FAM185A: variants seen among roughly 807,000 people sequenced by gnomAD.
FAM185A encodes family with sequence similarity 185 member A.
In FAM185A, 21 loss-of-function variants were observed where a neutral mutation model predicts 45.7. That is an observed-to-expected ratio of 0.46 (90% CI 0.33 to 0.66). The LOEUF (loss-of-function observed/expected upper bound fraction) is 0.66, where lower values mean the gene tolerates loss of function less well. Ranked by LOEUF, FAM185A falls within the 30% of genes least tolerant of loss-of-function variation. The pLI is 0.03. For synonymous variants in FAM185A, 117 were observed against 194.0 expected (o/e 0.60, Z 3.30); for missense variants, 305 against 485.4 (o/e 0.63, Z 3.49).
At chr7:102,805,542 AG>A (rs1562881215) in intron 7 of FAM185A, among the ~76,000 whole-genome samples, 1 of 151,512 alleles carries the variant, frequency 6.6e-6, no homozygotes, top group Admixed American at 6.6e-5. Flanking sequence ...AAAGGTTGGG[AG>A]GGGGGTGAGG....
At chr7:102,846,997 A>G in the FAM185A span, among the ~76,000 whole-genome samples, 2 of 152,254 alleles carry the variant, frequency 1.3e-5, no homozygotes, top group African/African-American at 4.8e-5. Flanking sequence ...CAACAGAAGA[A>G]TAATATTTCA....
At chr7:102,766,125 T>A (rs1376832647) in intron 4 of FAM185A, among the ~76,000 whole-genome samples, 1 of 152,286 alleles carries the variant, frequency 6.6e-6, no homozygotes, top group Non-Finnish European at 1.5e-5. Context: ...TTTGCTAGGA[T>A]TGGTTTTATT....
chr7:102,805,727 C>G (rs1454777660), intron 7 of FAM185A, among the ~76,000 whole-genome samples: 1 of 151,648 alleles, frequency 6.6e-6, no homozygotes, highest in Admixed American at 6.6e-5. Flanking sequence ...GGTGGGGAGG[C>G]AGAGGTTATA....
chr7:102,760,972 A>T (rs1327056091), intron 3 of FAM185A, among the ~76,000 whole-genome samples: 6 of 152,244 alleles, frequency 3.9e-5, no homozygotes, highest in Non-Finnish European at 7.3e-5. Context: ...AGCACTTAAA[A>T]ATATCTAAAA....
At chr7:102,843,198 C>G in the FAM185A span, among the ~76,000 whole-genome samples, 1 of 152,322 alleles carries the variant, frequency 6.6e-6, no homozygotes, top group Non-Finnish European at 1.5e-5. Flanking sequence ...AACCCCAACA[C>G]TTTGGGAGGC....
At chr7:102,848,123 T>C in the FAM185A span, among the ~76,000 whole-genome samples, 1 of 152,208 alleles carries the variant, frequency 6.6e-6, no homozygotes, top group Non-Finnish European at 1.5e-5. Flanking sequence ...TAATGAAACC[T>C]GATTTTCTCC....
chr7:102,749,290 G>T lies in FAM185A; in HGVS notation c.83G>T (p.Arg28Leu). 1 of 1,549,820 alleles carries T rather than the reference G, an allele frequency of 6.5e-7. No homozygotes were observed. Among genetic ancestry groups the T allele is most frequent in the Non-Finnish European group, 8.7e-7 (1 of 1,146,748 alleles). The change falls in exon 1 of 8, where the codon CGC (arginine) becomes CTC (leucine). Residue 28 changes from arginine to leucine, a missense_variant. Around this residue, in one of 5 missense-constraint regions of FAM185A, gnomAD observed 174 missense variants for 247.1 expected, o/e 0.70. Coordinates refer to ENST00000413034, the MANE Select transcript of FAM185A (RefSeq NM_001145268.2). ...RQVRLWAGAGRWACWACQARP... is the reference protein window; with the variant it reads ...RQVRLWAGAGLWACWACQARP... ...GTCCGACTGTGGGCTGGCGCTGGGC[G>T]CTGGGCTTGCTGGGCTTGCCAAGCC...
intron 7 of FAM185A, among the ~76,000 whole-genome samples, chr7:102,800,196 A>G (rs1796702855): frequency 6.6e-6 from 1 of 152,172 alleles, no homozygotes; most frequent in African/African-American, 2.4e-5. Context: ...CCATAGAAAA[A>G]GGGGGATGGT....
At chr7:102,813,392 C>T, downstream of FAM185A, 2 of 1,614,022 alleles carry the variant, frequency 1.2e-6, no homozygotes, top group African/African-American at 1.3e-5. Context: ...ACTGTTAATT[C>T]TAAGGCTCCT....
intron 4 of FAM185A, among the ~76,000 whole-genome samples, chr7:102,771,651 GT>G (rs1410959999): frequency 6.6e-6 from 1 of 151,984 alleles, no homozygotes; most frequent in Non-Finnish European, 1.5e-5. Context: ...TTTTAGTGTA[GT>G]TTTGGAATTA....
At chr7:102,836,851 G>A in the FAM185A span, among the ~76,000 whole-genome samples, 1 of 152,204 alleles carries the variant, frequency 6.6e-6, no homozygotes, top group Non-Finnish European at 1.5e-5. Context: ...ACAGGTGGCA[G>A]CTTCTAGCCT....
intron 7 of FAM185A, among the ~76,000 whole-genome samples, chr7:102,789,543 C>G (rs1399715674): frequency 6.6e-6 from 1 of 152,142 alleles, no homozygotes; most frequent in African/African-American, 2.4e-5. Context: ...ACCCCCATTT[C>G]TACTAAAATA....
chr7:102,843,494 G>C, the FAM185A span, among the ~76,000 whole-genome samples: 1 of 152,030 alleles, frequency 6.6e-6, no homozygotes, highest in Admixed American at 6.6e-5. Flanking sequence ...TTAAAGAAAG[G>C]CTGGGTACGG....
chr7:102,749,573 C>T lies in FAM185A; in HGVS notation c.366C>T (p.Tyr122=). ...GCCTGGACGGCCTGCAGGTGAAGTA[C>T]GACGAGGATCTGGAGGAGATGGCCA... ...VRGLDGLQVK[Y]DEDLEEMAIV... The change falls in exon 1 of 8, where the codon TAC becomes TAT. Residue 122 remains tyrosine (Y), a synonymous_variant. Transcript: ENST00000413034. 3 of 1,525,436 alleles carry T rather than the reference C, an allele frequency of 2.0e-6. No homozygotes were observed. Among genetic ancestry groups the T allele is most frequent in the South Asian group, 2.5e-5 (2 of 79,222 alleles). 94.5% of individuals were successfully genotyped at this position (1,525,436 alleles called of 1,614,324 possible).
chr7:102,755,082 TCA>T (rs1357693019), intron 2 of FAM185A: 2 of 379,388 alleles, frequency 5.3e-6, no homozygotes, highest in African/African-American at 4.2e-5. Context: ...TTTTGTAAGT[TCA>T]TGTGAGCTTG....
At chr7:102,810,676 C>A (rs1037249184), downstream of FAM185A, among the ~76,000 whole-genome samples, 1 of 152,110 alleles carries the variant, frequency 6.6e-6, no homozygotes, top group Non-Finnish European at 1.5e-5. Flanking sequence ...TCATTGAAGC[C>A]TTAAACTCCT....
downstream of FAM185A, among the ~76,000 whole-genome samples, chr7:102,809,831 G>A (rs1797331845): frequency 6.6e-6 from 1 of 152,194 alleles, no homozygotes; most frequent in African/African-American, 2.4e-5. Context: ...GTAATCCCCA[G>A]TGTTGGAGGT....
chr7:102,766,798 GT>G (rs954279248), intron 4 of FAM185A, among the ~76,000 whole-genome samples: 1 of 150,598 alleles, frequency 6.6e-6, no homozygotes, highest in Admixed American at 6.6e-5. Flanking sequence ...TTTTTGTTTT[GT>G]TTTGTTTTGT....
the FAM185A span, among the ~76,000 whole-genome samples, chr7:102,819,094 C>A: frequency 6.6e-6 from 1 of 152,084 alleles, no homozygotes; most frequent in Non-Finnish European, 1.5e-5. Flanking sequence ...GCTAACTATA[C>A]AATTAGTGAT....
Sources: allele counts gnomAD v4.1 joint callset (sites outside exome capture counted in the v4.1 genomes callset), GRCh38; gene constraint gnomAD v4.1.1; regional missense constraint gnomAD v4.1.1; transcripts MANE v1.5; gene names NCBI Gene and HGNC (gene_info 2026-07-23, HGNC 2026-07-21).